TAFA1: variants seen among roughly 807,000 people sequenced by gnomAD.
TAFA1 encodes chemokine-like protein TAFA-1.
In TAFA1, 4 loss-of-function variants were observed where a neutral mutation model predicts 18.5. The ratio of observed to expected loss-of-function variants is 0.22; its 90% CI spans 0.11 to 0.49. The LOEUF is 0.49. Ranked by LOEUF, TAFA1 falls within the 20% of genes least tolerant of loss-of-function variation. The pLI, the probability that TAFA1 is intolerant of heterozygous loss-of-function variation, is 0.98. For missense variants in TAFA1, 147 were observed against 169.0 expected, an observed-to-expected ratio of 0.87 and a Z score of 0.72; for synonymous variants, 56 against 55.2, an observed-to-expected ratio of 1.01 and a Z score of -0.06.
chr3:68,247,719 A>AT (rs1204242007), intron 2 of TAFA1: 3 of 152,194 alleles, frequency 2.0e-5, no homozygotes, highest in Non-Finnish European at 2.9e-5. Flanking sequence ...ATAAGTATAT[A>AT]TTTTTTAAAA....
the TAFA1 span, among the ~76,000 whole-genome samples, chr3:67,995,964 A>G: frequency 1.3e-5 from 2 of 152,248 alleles, no homozygotes; most frequent in Non-Finnish European, 2.9e-5. Context: ...TCATGTATTC[A>G]TATGTTCTAT....
chr3:68,342,900 C>A (rs1350840223), intron 2 of TAFA1, among the ~76,000 whole-genome samples: 1 of 152,112 alleles, frequency 6.6e-6, no homozygotes, highest in Non-Finnish European at 1.5e-5. Context: ...TACAGCACAG[C>A]CTTTAAGATT....
At chr3:68,063,809 A>C (rs1005993632) in intron 2 of TAFA1, among the ~76,000 whole-genome samples, 1 of 152,192 alleles carries the variant, frequency 6.6e-6, no homozygotes, top group African/African-American at 2.4e-5. Flanking sequence ...CCTTTATTTT[A>C]AAAGGGATGC....
intron 2 of TAFA1, among the ~76,000 whole-genome samples, chr3:68,054,750 C>A (rs1365062938): frequency 6.6e-6 from 1 of 152,168 alleles, no homozygotes; most frequent in Non-Finnish European, 1.5e-5. Context: ...GCTTTGCCAA[C>A]CTCTGAGTTT....
At chr3:68,120,231 TTCTTTCTTTCTTTCTTTCTTTCTTTC>T (rs1250725474) in intron 2 of TAFA1, among the ~76,000 whole-genome samples, 16 of 139,540 alleles carry the variant, frequency 1.1e-4, no homozygotes, top group African/African-American at 4.5e-4. Context: ...CTTTCTTTCT[TTCTTTCTTTCTTTCTTTCTTTCTTTC>T]TTTCTTTTTT....
At position 68,198,300 on chromosome 3, in the gene TAFA1, A is replaced by C. The variant is rs185468133; in HGVS notation, c.118+191556A>C. On this transcript the variant is annotated intron_variant, in intron 2 of 4. Coordinates refer to ENST00000478136, the MANE Select transcript of TAFA1 (RefSeq NM_213609.4). ...CTGAACAACATCTTCATTGCTTCCAAATTTTGGTAATTATGAATAAAATTA... is the reference window on the plus strand; with the variant it reads ...CTGAACAACATCTTCATTGCTTCCACATTTTGGTAATTATGAATAAAATTA... Among the ~76,000 whole-genome samples, 115 of 151,774 alleles carry C rather than the reference A, an allele frequency of 7.6e-4. 1 individual carries two copies. The highest frequency in any genetic ancestry group is 2.5e-3 in the African/African-American group (104 of 41,496).
chr3:68,159,388 G>C (rs2065900094), intron 2 of TAFA1, among the ~76,000 whole-genome samples: 1 of 151,934 alleles, frequency 6.6e-6, no homozygotes, highest in Non-Finnish European at 1.5e-5. Context: ...TGGTATTAAC[G>C]GGAGACTTTG....
At chr3:68,022,130 TATTTAATTA>T (rs1168690487) in intron 2 of TAFA1, among the ~76,000 whole-genome samples, 1 of 152,230 alleles carries the variant, frequency 6.6e-6, no homozygotes, top group Non-Finnish European at 1.5e-5. Flanking sequence ...GATTTAATTG[TATTTAATTA>T]AATTGTTGAA....
intron 2 of TAFA1, among the ~76,000 whole-genome samples, chr3:68,125,074 T>C (rs1186399170): frequency 6.6e-6 from 1 of 152,194 alleles, no homozygotes; most frequent in Non-Finnish European, 1.5e-5. Context: ...GTGGAAGAAA[T>C]GCTCAGGTTT....
intron 2 of TAFA1, among the ~76,000 whole-genome samples, chr3:68,415,246 C>A (rs1207816490): frequency 6.6e-6 from 1 of 152,182 alleles, no homozygotes; most frequent in Non-Finnish European, 1.5e-5. Flanking sequence ...TAGAGAAATA[C>A]CTGTACCACA....
At chr3:68,027,707 C>T (rs914167786) in intron 2 of TAFA1, among the ~76,000 whole-genome samples, 7 of 152,130 alleles carry the variant, frequency 4.6e-5, no homozygotes, top group African/African-American at 1.4e-4. Flanking sequence ...CTGTTATTTT[C>T]TATCATGTTA....
At chr3:68,158,829 T>C (rs1575651518) in intron 2 of TAFA1, among the ~76,000 whole-genome samples, 1 of 152,316 alleles carries the variant, frequency 6.6e-6, no homozygotes, top group Non-Finnish European at 1.5e-5. Context: ...ATGTATTTTG[T>C]GATGGAGGGC....
intron 2 of TAFA1, among the ~76,000 whole-genome samples, chr3:68,057,595 C>T (rs180742976): frequency 6.2e-4 from 95 of 152,272 alleles, no homozygotes; most frequent in Admixed American, 5.2e-4. Context: ...TAAAGATGTG[C>T]GTATCCCAAT....
At chr3:68,186,975 T>TG (rs2066279503) in intron 2 of TAFA1, among the ~76,000 whole-genome samples, 2 of 151,648 alleles carry the variant, frequency 1.3e-5, no homozygotes, top group South Asian at 4.2e-4. Context: ...GTGAAGTTTG[T>TG]GGGAAAAAAA....
At chr3:68,013,283 G>T (rs149850879) in intron 2 of TAFA1, among the ~76,000 whole-genome samples, 67 of 152,132 alleles carry the variant, frequency 4.4e-4, no homozygotes, top group African/African-American at 1.5e-3. Context: ...GTGCATTTTT[G>T]TGTGTGTGTT....
Position 68,448,803 on chromosome 3 carries a change from C to T in TAFA1, c.259+31383C>T, listed in dbSNP as rs367858329. On this transcript the variant is annotated intron_variant, in intron 3 of 4. Transcript: ENST00000478136. Reference sequence around the variant, plus strand: ...TAACGTCTCTGGGTTTTCATTTTCTCACTGTAAAATGGGACTAAACCTCTC... The same window carrying T: ...TAACGTCTCTGGGTTTTCATTTTCTTACTGTAAAATGGGACTAAACCTCTC... 1.6e-4 allele frequency among the ~76,000 whole-genome samples: 24 copies of T among 152,228 alleles called. No homozygotes were observed. In the East Asian group the frequency reaches 3.9e-3, roughly 24 times the overall value.
At chr3:68,324,507 C>T (rs1293399321) in intron 2 of TAFA1, among the ~76,000 whole-genome samples, 1 of 152,168 alleles carries the variant, frequency 6.6e-6, no homozygotes, top group East Asian at 1.9e-4. Flanking sequence ...CAAGGAGTCA[C>T]AGAAGGTGTG....
At chr3:68,036,334 G>C (rs1433425040) in intron 2 of TAFA1, among the ~76,000 whole-genome samples, 1 of 151,232 alleles carries the variant, frequency 6.6e-6, no homozygotes, top group Non-Finnish European at 1.5e-5. Flanking sequence ...AGCTACTCAG[G>C]AGGCTGAGGC....
At chr3:68,319,811 A>G (rs2068669049) in intron 2 of TAFA1, among the ~76,000 whole-genome samples, 1 of 152,234 alleles carries the variant, frequency 6.6e-6, no homozygotes, top group Non-Finnish European at 1.5e-5. Flanking sequence ...CCAGTTTAGT[A>G]TTCCAAAGAT....
Sources: gnomAD v4.1 joint callset for allele counts (sites outside exome capture counted in the v4.1 genomes callset) on GRCh38, gnomAD v4.1.1 for gene constraint, MANE v1.5 for transcripts, NCBI Gene and HGNC (gene_info 2026-07-23, HGNC 2026-07-21) for gene names.